Variants in MGMT observed in about 807,000 individuals in gnomAD.
MGMT encodes methylated-DNA--protein-cysteine methyltransferase.
Under a neutral mutation model 15.9 loss-of-function variants are expected in MGMT, and 14 were observed. That is an observed-to-expected ratio of 0.88 (90% confidence interval 0.58 to 1.37). The LOEUF (loss-of-function observed/expected upper bound fraction) is 1.37. MGMT is among the 40% of genes most tolerant of loss of function. The pLI, the probability that MGMT is intolerant of heterozygous loss-of-function variation, is 0.00. For missense variants in MGMT, 282 were observed against 268.1 expected, an observed-to-expected ratio of 1.05 and a Z score of -0.36; for synonymous variants, 130 against 118.2, an observed-to-expected ratio of 1.10 and a Z score of -0.65.
At chr10:129,611,898 A>C (rs995868758) in intron 2 of MGMT, among the ~76,000 whole-genome samples, 2 of 152,180 alleles carry the variant, frequency 1.3e-5, no homozygotes, top group African/African-American at 2.4e-5. Context: ...GAAAGAGTCA[A>C]ACTCTGTAAA....
chr10:129,675,775 G>A (rs1847778730), intron 2 of MGMT, among the ~76,000 whole-genome samples: 1 of 152,210 alleles, frequency 6.6e-6, no homozygotes, highest in African/African-American at 2.4e-5. Context: ...AGACCCAGTA[G>A]GTGGTGTCGC....
At chr10:129,625,159 A>G (rs565637725) in intron 2 of MGMT, among the ~76,000 whole-genome samples, 6 of 152,370 alleles carry the variant, frequency 3.9e-5, no homozygotes, top group African/African-American at 9.6e-5. Flanking sequence ...TTTAGATACA[A>G]TGAGCTAAGT....
chr10:129,624,524 A>G (rs1162118981), intron 2 of MGMT, among the ~76,000 whole-genome samples: 1 of 152,234 alleles, frequency 6.6e-6, no homozygotes, highest in African/African-American at 2.4e-5. Context: ...TGTAATCTCT[A>G]CATCCCCAAT....
chr10:129,722,094 G>GA (rs1848379047), intron 3 of MGMT, among the ~76,000 whole-genome samples: 1 of 152,032 alleles, frequency 6.6e-6, no homozygotes, highest in African/African-American at 2.4e-5. Flanking sequence ...TACATTGACA[G>GA]AAAGATATAA....
At chr10:129,622,739 T>G (rs1847104317) in intron 2 of MGMT, among the ~76,000 whole-genome samples, 1 of 152,168 alleles carries the variant, frequency 6.6e-6, no homozygotes, top group Non-Finnish European at 1.5e-5. Context: ...ATGCTCTCAT[T>G]AAGAATATGA....
chr10:129,536,126 AGGAAGAGCT>A, intron 1 of MGMT, 106 bp from the exon 2 acceptor site: 1 of 1,200,756 alleles, frequency 8.3e-7, no homozygotes, highest in South Asian at 1.4e-5. Flanking sequence ...TCCAAAAATG[AGGAAGAGCT>A]TTGGAATATA....
At chr10:129,673,159 C>T (rs945632718) in intron 2 of MGMT, among the ~76,000 whole-genome samples, 5 of 152,168 alleles carry the variant, frequency 3.3e-5, no homozygotes, top group African/African-American at 1.2e-4. Flanking sequence ...AGGAATGGTG[C>T]TTCATCCCAG....
rs188707062 is a variant in MGMT, at chr10:129,478,883, T to G, written c.-13+11587T>G. On this transcript the variant is annotated intron_variant, in intron 1 of 4. Transcript: ENST00000651593. ...ATCTTTTATTTATTTATTTACTTAT[T>G]AGCACAGCTTGTTTGTTGTTCAGTT... Among the ~76,000 whole-genome samples the G allele has an allele frequency of 1.5e-3, 232 of 151,960 alleles. 1 individual carries two copies. The highest frequency in any genetic ancestry group is 2.8e-3 in the Non-Finnish European group (187 of 67,990).
intron 1 of MGMT, among the ~76,000 whole-genome samples, chr10:129,486,967 T>G (rs1237899204): frequency 1.3e-5 from 2 of 152,214 alleles, no homozygotes; most frequent in South Asian, 2.1e-4. Flanking sequence ...CGTTAAAGCC[T>G]TGTATGGCAG....
rs974367020 is a variant in MGMT at position 129,575,633 on chromosome 10, G to A, written c.125+39256G>A. On this transcript the variant is annotated intron_variant, in intron 2 of 4. Coordinates refer to ENST00000651593, the MANE Select transcript of MGMT (RefSeq NM_002412.5). ...CATCACAATTAAAAGAACTAGAGAA[G>A]CAAGAGCAAACACATTCAAAAGCTA... 4.4e-3 allele frequency among the ~76,000 whole-genome samples: 651 copies of A among 147,834 alleles called. 5 individuals are homozygous for A. The highest frequency in any genetic ancestry group is 0.015 in the African/African-American group (614 of 40,054).
intron 2 of MGMT, among the ~76,000 whole-genome samples, chr10:129,609,549 T>C (rs1846934928): frequency 6.6e-6 from 1 of 152,230 alleles, no homozygotes; most frequent in Non-Finnish European, 1.5e-5. Flanking sequence ...ACAGCAGCGC[T>C]GGCTTAGCAG....
At chr10:129,524,273 C>T (rs900779562) in intron 1 of MGMT, among the ~76,000 whole-genome samples, 1 of 152,194 alleles carries the variant, frequency 6.6e-6, no homozygotes, top group African/African-American at 2.4e-5. Context: ...GCCAAACAAA[C>T]AAACAAACAA....
intron 1 of MGMT, among the ~76,000 whole-genome samples, chr10:129,523,365 A>G (rs963254820): frequency 6.6e-6 from 1 of 152,058 alleles, no homozygotes; most frequent in Non-Finnish European, 1.5e-5. Flanking sequence ...CTAGTTAAAA[A>G]TGAGGGAAAA....
chr10:129,638,005 C>T (rs1847281572), intron 2 of MGMT, among the ~76,000 whole-genome samples: 1 of 152,194 alleles, frequency 6.6e-6, no homozygotes, highest in Non-Finnish European at 1.5e-5. Context: ...GAGTGAGTGC[C>T]TCCTGCAGTG....
chr10:129,646,746 A>ATTTTT (rs1280365444), intron 2 of MGMT, among the ~76,000 whole-genome samples: 2 of 69,142 alleles, frequency 2.9e-5, no homozygotes, highest in Admixed American at 1.6e-4. Flanking sequence ...ATATATATAT[A>ATTTTT]TATATATATT....
At chr10:129,564,021 TC>T (rs1846311016) in intron 2 of MGMT, 1 of 152,344 alleles carries the variant, frequency 6.6e-6, no homozygotes, top group South Asian at 2.1e-4. Flanking sequence ...CTGGTTTGGG[TC>T]TTGTTGGCAG....
At chr10:129,527,869 C>T (rs765189897) in intron 1 of MGMT, among the ~76,000 whole-genome samples, 21 of 152,256 alleles carry the variant, frequency 1.4e-4, no homozygotes, top group Admixed American at 5.2e-4. Context: ...ACCTTCTGCT[C>T]CTTAATGCTC....
intron 1 of MGMT, among the ~76,000 whole-genome samples, chr10:129,535,359 G>C (rs1845973672): frequency 6.6e-6 from 1 of 152,132 alleles, no homozygotes; most frequent in South Asian, 2.1e-4. Flanking sequence ...TTGCACCGCT[G>C]CTCTCCAGCC....
rs1013118037 is a variant in MGMT, at chr10:129,533,416, G to A, written c.-12-2825G>A. Among the ~76,000 whole-genome samples, 1 of 152,120 alleles carries A rather than the reference G, an allele frequency of 6.6e-6. No homozygotes were observed. Among genetic ancestry groups the A allele is most frequent in the Non-Finnish European group, 1.5e-5 (1 of 68,036 alleles). ...CCCTGAGCCCAGGCCTCCTGACTCC[G>A]ACAGCCTGCAGCCCTGCCCGAACTG... On this transcript the variant is annotated intron_variant, in intron 1 of 4. Coordinates refer to ENST00000651593, the MANE Select transcript of MGMT (RefSeq NM_002412.5). This position sits in a 1 kb window ranked among gnomAD's most constrained non-coding sequence, Gnocchi z 4.5.
Sources: gnomAD v4.1 joint callset for allele counts (sites outside exome capture counted in the v4.1 genomes callset) on GRCh38, gnomAD v4.1.1 for gene constraint, Gnocchi (gnomAD v3.1) non-coding constraint, MANE v1.5 for transcripts, NCBI Gene and HGNC (gene_info 2026-07-23, HGNC 2026-07-21) for gene names.